Variants in NDST4 observed in about 807,000 individuals in gnomAD.
NDST4 encodes N-heparan sulfate sulfotransferase 4.
NDST4 carries 63 observed loss-of-function variants against 100.8 expected under a neutral mutation model. That is an observed-to-expected ratio of 0.62 (90% CI 0.51 to 0.77). NDST4 has a LOEUF of 0.77. Among genes scored for constraint, NDST4 ranks in the 30% least tolerant of loss-of-function variants. The probability of loss-of-function intolerance (pLI) is 0.00; values close to 1 mark genes in which losing one functional copy is unlikely to be tolerated. For missense variants in NDST4, 943 were observed against 1,018.4 expected, an observed-to-expected ratio of 0.93 and a Z score of 1.01; for synonymous variants, 377 against 361.8, an observed-to-expected ratio of 1.04 and a Z score of -0.48.
chr4:114,928,970 T>C (rs914254170), intron 6 of NDST4, among the ~76,000 whole-genome samples: 17 of 151,964 alleles, frequency 1.1e-4, no homozygotes, highest in African/African-American at 1.9e-4. Context: ...GCCCTCGTAA[T>C]TGCATGAGCC....
rs1019577031 is a variant in NDST4, at chr4:115,033,261, A to T, written c.978+42798T>A. On this transcript the variant is annotated intron_variant, in intron 2 of 13. Coordinates refer to ENST00000264363, the MANE Select transcript of NDST4 (RefSeq NM_022569.3). ...ACTGATCTCCCAGGCTCAAGCATTC[A>T]GCCTCCCGAGTAGCGAGGACTAAAG... 1.3e-4 allele frequency among the ~76,000 whole-genome samples: 20 copies of T among 149,260 alleles called. 1 individual carries two copies. In the South Asian group the frequency reaches 2.9e-3, roughly 22 times the overall value.
intron 2 of NDST4, among the ~76,000 whole-genome samples, chr4:114,985,548 G>A (rs980189660): frequency 2.0e-5 from 3 of 152,142 alleles, no homozygotes; most frequent in African/African-American, 7.2e-5. Flanking sequence ...TACAAGTGGA[G>A]AAAATAATGC....
At chr4:115,039,310 A>G (rs150073051) in intron 2 of NDST4, among the ~76,000 whole-genome samples, 1 of 152,152 alleles carries the variant, frequency 6.6e-6, no homozygotes, top group Non-Finnish European at 1.5e-5. Flanking sequence ...TGCTAGAGCT[A>G]GAAAGGTTTT....
intron 1 of NDST4, among the ~76,000 whole-genome samples, chr4:115,087,055 C>T (rs528357562): frequency 5.1e-4 from 77 of 152,034 alleles, no homozygotes; most frequent in African/African-American, 1.8e-3. Flanking sequence ...ATCAAATGCC[C>T]AGAATGTGTG....
chr4:114,965,403 T>G lies in NDST4; in HGVS notation c.1221+5027A>C, dbSNP rs1004920525. ...TTTCCATAGTGTCTCTTTAATAGAT[T>G]TGTGTTTTTATGAGAACAATTTAAA... is the stretch of plus-strand genomic sequence containing the variant. On this transcript the variant is annotated intron_variant, in intron 4 of 13. Transcript: ENST00000264363. Among the ~76,000 whole-genome samples, 4 of 152,094 alleles carry G rather than the reference T, an allele frequency of 2.6e-5. No individual in the cohort carries two copies. In the South Asian group the frequency reaches 8.3e-4, roughly 31 times the overall value.
chr4:114,997,516 C>T (rs1171064893), intron 2 of NDST4, among the ~76,000 whole-genome samples: 1 of 151,784 alleles, frequency 6.6e-6, no homozygotes, highest in African/African-American at 2.4e-5. Flanking sequence ...CAGAACATAG[C>T]CTACCACATT....
At chr4:114,986,366 G>T (rs1444725936) in intron 2 of NDST4, among the ~76,000 whole-genome samples, 1 of 152,018 alleles carries the variant, frequency 6.6e-6, no homozygotes, top group African/African-American at 2.4e-5. Flanking sequence ...TGCCCTAAAC[G>T]TTGTTACTGG....
At chr4:115,049,102 A>T (rs1014703086) in intron 2 of NDST4, among the ~76,000 whole-genome samples, 1 of 152,218 alleles carries the variant, frequency 6.6e-6, no homozygotes, top group Non-Finnish European at 1.5e-5. Context: ...AGCAGTAATT[A>T]GAACCACTTG....
At chr4:115,015,729 G>A (rs541780249) in intron 2 of NDST4, among the ~76,000 whole-genome samples, 1 of 152,124 alleles carries the variant, frequency 6.6e-6, no homozygotes, top group East Asian at 1.9e-4. Context: ...TGCTGTCACT[G>A]TCCAATGGGC....
At chr4:114,989,679 T>C (rs1726993458) in intron 2 of NDST4, among the ~76,000 whole-genome samples, 2 of 152,024 alleles carry the variant, frequency 1.3e-5, no homozygotes, top group Admixed American at 1.3e-4. Context: ...TAGGAAAACA[T>C]GTAGAGGAGA....
chr4:114,871,972 CAGA>C (rs2126197287), intron 6 of NDST4, among the ~76,000 whole-genome samples: 1 of 151,842 alleles, frequency 6.6e-6, no homozygotes, highest in East Asian at 1.9e-4. Context: ...TGAAGCTGAA[CAGA>C]AGAATAATAT....
At chr4:114,956,753 G>T in intron 4 of NDST4, among the ~76,000 whole-genome samples, 1 of 151,980 alleles carries the variant, frequency 6.6e-6, no homozygotes, top group Non-Finnish European at 1.5e-5. Context: ...CACTTCAAGT[G>T]AAAGAGTCAC....
At chr4:114,940,354 A>G (rs1725721658) in intron 4 of NDST4, among the ~76,000 whole-genome samples, 1 of 152,242 alleles carries the variant, frequency 6.6e-6, no homozygotes, top group Non-Finnish European at 1.5e-5. Flanking sequence ...AATTAGAATA[A>G]AATAAAATGT....
At chr4:115,100,474 G>T (rs1203631922) in intron 1 of NDST4, among the ~76,000 whole-genome samples, 1 of 151,848 alleles carries the variant, frequency 6.6e-6, no homozygotes, top group African/African-American at 2.4e-5. Context: ...AAAAAGTTAA[G>T]TCTATTCAAA....
chr4:115,053,642 TA>T (rs1023007314), intron 2 of NDST4, among the ~76,000 whole-genome samples: 7 of 152,262 alleles, frequency 4.6e-5, no homozygotes, highest in Admixed American at 4.6e-4. Context: ...CCTAGGAATG[TA>T]AAAATCTGTT....
chr4:115,110,275 G>A (rs888830732), intron 1 of NDST4, among the ~76,000 whole-genome samples: 3 of 151,892 alleles, frequency 2.0e-5, no homozygotes, highest in Non-Finnish European at 2.9e-5. Context: ...TTAACACCCT[G>A]CATAACAGCA....
intron 4 of NDST4, among the ~76,000 whole-genome samples, chr4:114,941,564 G>C (rs1030066724): frequency 1.3e-5 from 2 of 152,124 alleles, no homozygotes; most frequent in African/African-American, 4.8e-5. Flanking sequence ...CAGTAGGAAG[G>C]CAAATCCTAA....
chr4:114,986,614 C>G (rs185975786), intron 2 of NDST4, among the ~76,000 whole-genome samples: 53 of 151,728 alleles, frequency 3.5e-4, no homozygotes, highest in Non-Finnish European at 6.3e-4. Flanking sequence ...ATGTCTGCGT[C>G]CTGCACTCTC....
intron 12 of NDST4, among the ~76,000 whole-genome samples, chr4:114,833,335 T>C (rs966911422): frequency 2.6e-5 from 4 of 152,174 alleles, no homozygotes; most frequent in Non-Finnish European, 4.4e-5. Context: ...CAGGTAGGCA[T>C]ATAAAAAATT....
Sources: gnomAD v4.1 joint callset for allele counts (sites outside exome capture counted in the v4.1 genomes callset) on GRCh38, gnomAD v4.1.1 for gene constraint, MANE v1.5 for transcripts, NCBI Gene and HGNC (gene_info 2026-07-23, HGNC 2026-07-21) for gene names.